TMEM229B: variants seen among roughly 807,000 people sequenced by gnomAD.
The protein encoded by TMEM229B is transmembrane protein 229B.
In TMEM229B, 6 loss-of-function variants were observed where a neutral mutation model predicts 13.7. That is an observed-to-expected ratio of 0.44 (90% CI 0.24 to 0.86). The LOEUF is 0.86. TMEM229B is among the 40% of genes least tolerant of loss of function. TMEM229B has a pLI of 0.23. For synonymous variants in TMEM229B, 107 were observed against 102.1 expected, an observed-to-expected ratio of 1.05 and a Z score of -0.29; for missense variants, 170 against 236.0, an observed-to-expected ratio of 0.72 and a Z score of 1.83.
chr14:67,504,225 G>A (rs970676923), intron 1 of TMEM229B, among the ~76,000 whole-genome samples: 1 of 151,392 alleles, frequency 6.6e-6, no homozygotes, highest in African/African-American at 2.4e-5. Flanking sequence ...TGTTGGCCAG[G>A]TTGGTCTCGG....
intron 1 of TMEM229B, among the ~76,000 whole-genome samples, chr14:67,497,419 G>A (rs2032434935): frequency 6.6e-6 from 1 of 152,066 alleles, no homozygotes; most frequent in Non-Finnish European, 1.5e-5. Context: ...CCAGTGCCGG[G>A]ATGAGGAAGA....
At chr14:67,485,888 C>A (rs1312113745) in intron 2 of TMEM229B, among the ~76,000 whole-genome samples, 2 of 152,248 alleles carry the variant, frequency 1.3e-5, no homozygotes, top group East Asian at 3.8e-4. Context: ...TCCAGATCCC[C>A]TGGTGGTCAC....
At chr14:67,508,499 T>C (rs981632654) in intron 1 of TMEM229B, among the ~76,000 whole-genome samples, 3 of 152,100 alleles carry the variant, frequency 2.0e-5, no homozygotes, top group African/African-American at 4.8e-5. Context: ...TGTTCCATCA[T>C]ACAGCCTCAC....
At chr14:67,486,302 G>A (rs2031875598) in intron 2 of TMEM229B, among the ~76,000 whole-genome samples, 1 of 152,234 alleles carries the variant, frequency 6.6e-6, no homozygotes, top group South Asian at 2.1e-4. Flanking sequence ...TTGAGACAGA[G>A]TCTTGCTCTG....
At chr14:67,515,236 C>T in exon 1 of TMEM229B, 1 of 152,826 alleles carries the variant, frequency 6.5e-6, no homozygotes, top group Non-Finnish European at 1.5e-5. Flanking sequence ...CTGCTCCCCG[C>T]CCCCAAGCCC....
intron 1 of TMEM229B, among the ~76,000 whole-genome samples, chr14:67,496,579 A>G (rs2032391767): frequency 6.6e-6 from 1 of 151,518 alleles, no homozygotes; most frequent in Admixed American, 6.6e-5. Flanking sequence ...AGAGAAGTAG[A>G]CGTGAGAGAG....
intron 1 of TMEM229B, among the ~76,000 whole-genome samples, chr14:67,506,230 T>C (rs74575714): frequency 0.027 from 4,061 of 152,192 alleles, 79 homozygotes; most frequent in Middle Eastern, 0.095. Flanking sequence ...ATAAAGCGGG[T>C]GTATTTTGTA....
rs577518228 is a variant in TMEM229B at position 67,528,965 on chromosome 14, T to C, written c.-192+4671A>G. On this transcript the variant is annotated intron_variant, in intron 1 of 2. Coordinates refer to the TMEM229B transcript ENST00000554278. ...TTGGAATCACTGCCCACCTCCTCAT[T>C]GGAATCCTTCTCCACCAGGCCCTCC... Among the ~76,000 whole-genome samples, 4 of 152,266 alleles carry C rather than the reference T, an allele frequency of 2.6e-5. No homozygotes were observed. In the East Asian group the frequency reaches 7.7e-4, roughly 29 times the overall value.
Position 67,472,521 on chromosome 14 carries a change from A to T in TMEM229B, c.*899T>A, listed in dbSNP as rs1335255252. On this transcript the variant is annotated 3_prime_UTR_variant, in exon 3 of 3. Coordinates refer to ENST00000554480, the MANE Select transcript of TMEM229B (RefSeq NM_001348543.2). ...AGGGAGCACTGCCACAGCCCACTAG[A>T]CCGGGGGTAGGGAGGTGTAACTCAG... The T allele has an allele frequency of 1.3e-5, 2 of 152,148 alleles. No homozygotes were observed. Among genetic ancestry groups the T allele is most frequent in the Non-Finnish European group, 2.9e-5 (2 of 68,190 alleles). The allele number at this position is 152,148 out of a possible 1,614,324, so 9.4% of individuals were successfully genotyped here.
chr14:67,500,193 A>G (rs1455561237), intron 1 of TMEM229B, among the ~76,000 whole-genome samples: 2 of 152,064 alleles, frequency 1.3e-5, no homozygotes, highest in Non-Finnish European at 2.9e-5. Context: ...AGAAAACAAT[A>G]GGCCATATGC....
At chr14:67,490,886 G>A (rs1452863256), upstream of TMEM229B, among the ~76,000 whole-genome samples, 1 of 152,150 alleles carries the variant, frequency 6.6e-6, no homozygotes, top group Non-Finnish European at 1.5e-5. Flanking sequence ...CCAGATATGG[G>A]GTGGGCGTGG....
intron 1 of TMEM229B, among the ~76,000 whole-genome samples, chr14:67,531,138 TA>T (rs561583609): frequency 1.2e-3 from 176 of 152,280 alleles, no homozygotes; most frequent in Non-Finnish European, 2.2e-3. Flanking sequence ...AAAGGGGCTC[TA>T]GGGGTGATGG....
intron 1 of TMEM229B, among the ~76,000 whole-genome samples, chr14:67,510,481 A>G (rs2032990512): frequency 6.6e-6 from 1 of 152,250 alleles, no homozygotes; most frequent in African/African-American, 2.4e-5. Flanking sequence ...ATGTGTTAGA[A>G]ACTGTGCAGG....
chr14:67,527,465 T>C (rs564867015), intron 1 of TMEM229B, among the ~76,000 whole-genome samples: 1 of 152,248 alleles, frequency 6.6e-6, no homozygotes, highest in South Asian at 2.1e-4. Context: ...CCTCCTAAAA[T>C]GTTTAGTGGG....
intron 2 of TMEM229B, among the ~76,000 whole-genome samples, chr14:67,477,166 CAAA>C (rs3070452): frequency 7.3e-5 from 10 of 137,124 alleles, no homozygotes; most frequent in African/African-American, 1.0e-4. Context: ...AACTCCATCT[CAAA>C]AAAAAAAAAA....
chr14:67,515,661 T>G (rs2033184122), upstream of TMEM229B, among the ~76,000 whole-genome samples: 1 of 152,136 alleles, frequency 6.6e-6, no homozygotes, highest in African/African-American at 2.4e-5. Context: ...GCAGGGCTCT[T>G]CGGCCCTCCC....
chr14:67,489,683 A>G (rs941014921), upstream of TMEM229B, among the ~76,000 whole-genome samples: 5 of 152,182 alleles, frequency 3.3e-5, no homozygotes, highest in African/African-American at 1.2e-4. Context: ...GAAACATGTC[A>G]TCCCATCTTA....
At chr14:67,529,844 A>G (rs1438517423) in intron 1 of TMEM229B, among the ~76,000 whole-genome samples, 2 of 152,136 alleles carry the variant, frequency 1.3e-5, no homozygotes, top group African/African-American at 2.4e-5. Flanking sequence ...GACTGGCCCC[A>G]AGTTTCCTGG....
rs552146261 is a variant in TMEM229B, at chr14:67,515,407, C to CCGGCGGCGGCGG, written c.-525_-514dup. On this transcript the variant is annotated 5_prime_UTR_variant, in exon 1 of 3. Transcript: ENST00000357461. ...CCGCTGCCCGGGAGGAAAGGAGCCC[C>CCGGCGGCGGCGG]CGGCGGCGGCGGCGGCGGCGGCGGC... The CCGGCGGCGGCGG allele has an allele frequency of 2.8e-3, 493 of 178,874 alleles. 2 individuals are homozygous for CCGGCGGCGGCGG. Among genetic ancestry groups the CCGGCGGCGGCGG allele is most frequent in the East Asian group, 0.013 (75 of 5,976 alleles). The allele number at this position is 178,874 out of a possible 1,614,324, so 11.1% of individuals were successfully genotyped here. A position where few individuals can be genotyped will look rare whatever the true frequency, so the allele number is the denominator to read the frequency against.
Sources: gnomAD v4.1 joint callset for allele counts (sites outside exome capture counted in the v4.1 genomes callset) on GRCh38, gnomAD v4.1.1 for gene constraint, MANE v1.5 for transcripts, NCBI Gene and HGNC (gene_info 2026-07-23, HGNC 2026-07-21) for gene names.